The following SLC28A3 variants were observed in gnomAD, a reference collection of about 807,000 sequenced individuals.
SLC28A3 encodes the protein solute carrier family 28 member 3, also known as concentrative Na(+)-nucleoside cotransporter 3.
SLC28A3 carries 68 observed loss-of-function variants against 84.2 expected under a neutral mutation model. The observed-to-expected ratio is 0.81, with a 90% CI of 0.66 to 0.99. SLC28A3 has a LOEUF of 0.99. Ranked by LOEUF, SLC28A3 falls within the 50% of genes least tolerant of loss-of-function variation. The pLI, the probability that SLC28A3 is intolerant of heterozygous loss-of-function variation, is 0.00. For synonymous variants in SLC28A3, 267 were observed against 303.6 expected (o/e 0.88, Z 1.25); for missense variants, 712 against 841.5 (o/e 0.85, Z 1.90).
rs11568416 is a variant in SLC28A3 at position 84,292,667 on chromosome 9, C to T, written c.1023+1G>A. 1.0e-4 allele frequency: 166 copies of T among 1,608,004 alleles called. No individual in the cohort carries two copies. In the East Asian group the frequency reaches 2.7e-3, roughly 26 times the overall value. ...TTTGTTCTGTTGATATTACAACTTA[C>T]TTGTCCAACAAATATATTGCCAGAA... On this transcript the variant is annotated splice_donor_variant, in intron 10 of 17. Coordinates refer to ENST00000376238, the MANE Select transcript of SLC28A3 (RefSeq NM_001199633.2). LOFTEE classifies it high-confidence loss of function.
chr9:84,338,794 C>A lies in SLC28A3; in HGVS notation c.60+1780G>T, dbSNP rs1326882815. ...CTTTATGCTTTTCCCCCTCACTTAG[C>A]CCTTAGAGAAGAGATCAGGATGTGC... On this transcript the variant is annotated intron_variant, in intron 1 of 17. Transcript: ENST00000376238. Among the ~76,000 whole-genome samples the A allele has an allele frequency of 2.6e-5, 4 of 152,176 alleles. No individual in the cohort carries two copies. In the East Asian group the frequency reaches 7.7e-4, roughly 29 times the overall value.
chr9:84,340,682 G>T lies in SLC28A3; in HGVS notation c.-49C>A. ...CTGGTCTGGAGGTCCTTTGTACCTG[G>T]GAAAAAGCACCAGTCTCTGCTGATG... On this transcript the variant is annotated 5_prime_UTR_variant, in exon 1 of 18. Coordinates refer to ENST00000376238, the MANE Select transcript of SLC28A3 (RefSeq NM_001199633.2). 1 of 1,608,836 alleles carries T rather than the reference G, an allele frequency of 6.2e-7. No individual in the cohort carries two copies. The highest frequency in any genetic ancestry group is 8.5e-7 in the Non-Finnish European group (1 of 1,176,332).
chr9:84,326,202 T>C (rs1826542260), intron 1 of SLC28A3, among the ~76,000 whole-genome samples: 1 of 152,080 alleles, frequency 6.6e-6, no homozygotes, highest in African/African-American at 2.4e-5. Context: ...TTAATCTGAC[T>C]AATAAGAGCT....
chr9:84,309,449 G>T (rs1221415681), intron 3 of SLC28A3, among the ~76,000 whole-genome samples, 180 bp downstream of exon 3: 1 of 148,606 alleles, frequency 6.7e-6, no homozygotes, highest in Non-Finnish European at 1.5e-5. Context: ...CTTGAACTTG[G>T]GAGGCGGAGG....
intron 1 of SLC28A3, among the ~76,000 whole-genome samples, chr9:84,316,147 A>G (rs10780663): frequency 0.35 from 53,483 of 152,060 alleles, 13,250 homozygotes; most frequent in African/African-American, 0.69. Context: ...TGCACTTTCT[A>G]TGTGGCTATT....
chr9:84,367,564 C>T, the SLC28A3 span, among the ~76,000 whole-genome samples: 5 of 152,228 alleles, frequency 3.3e-5, no homozygotes, highest in South Asian at 2.1e-4. Flanking sequence ...CCAGGGGACC[C>T]GCACACTCAG....
intron 17 of SLC28A3, chr9:84,278,546 T>G: frequency 1.7e-6 from 1 of 594,544 alleles, no homozygotes. Context: ...CTTTCCCTAT[T>G]TCCTCCATAA....
intron 1 of SLC28A3, among the ~76,000 whole-genome samples, chr9:84,316,273 G>C (rs1049548325): frequency 1.3e-5 from 2 of 152,136 alleles, no homozygotes; most frequent in African/African-American, 4.8e-5. Context: ...CCTATTTGTG[G>C]TATCCCTTTT....
the SLC28A3 span, among the ~76,000 whole-genome samples, chr9:84,362,458 C>A: frequency 6.6e-6 from 1 of 151,910 alleles, no homozygotes; most frequent in Non-Finnish European, 1.5e-5. Context: ...ATGGTGAAAC[C>A]CTGTCTCTAC....
chr9:84,306,901 T>C, intron 3 of SLC28A3, among the ~76,000 whole-genome samples: 1 of 145,328 alleles, frequency 6.9e-6, no homozygotes, highest in African/African-American at 2.6e-5. Context: ...CTCATGCCTG[T>C]AATCCTAGCA....
At position 84,285,542 on chromosome 9, in the gene SLC28A3, G is replaced by C. The variant is rs1184360725; in HGVS notation, c.1450C>G (p.Leu484Val). 6.2e-7 allele frequency: 1 copy of C among 1,614,000 alleles called. No homozygotes were observed. The highest frequency in any genetic ancestry group is 8.5e-7 in the Non-Finnish European group (1 of 1,180,008). Reference sequence around the variant, plus strand: ...GGCATGAAGATGTAGGAGCAGATTAGCTACAGAAACCAAAAGTAGACACTT... The same window carrying C: ...GGCATGAAGATGTAGGAGCAGATTACCTACAGAAACCAAAAGTAGACACTT... ...MFDYPQLSFE[L>V]ICSYIFMPFS... Residue 484 changes from leucine to valine, a missense_variant and splice_region_variant, in exon 14 of 18, where the codon CTA becomes GTA. Coordinates refer to ENST00000376238, the MANE Select transcript of SLC28A3 (RefSeq NM_001199633.2).
intron 1 of SLC28A3, among the ~76,000 whole-genome samples, chr9:84,339,427 T>A (rs1827085651): frequency 6.6e-6 from 1 of 152,036 alleles, no homozygotes; most frequent in Non-Finnish European, 1.5e-5. Context: ...TTTTTGTATT[T>A]TTAGTAGAGA....
intron 1 of SLC28A3, among the ~76,000 whole-genome samples, chr9:84,317,276 TAGAA>T (rs1440919028): frequency 6.6e-6 from 1 of 152,128 alleles, no homozygotes; most frequent in Non-Finnish European, 1.5e-5. Flanking sequence ...AATTAGAACT[TAGAA>T]AGCCTGATTT....
intron 5 of SLC28A3, among the ~76,000 whole-genome samples, chr9:84,301,334 AGC>A (rs1825624354): frequency 7.5e-6 from 1 of 133,480 alleles, no homozygotes; most frequent in Non-Finnish European, 1.6e-5. Context: ...TGGGTGACAG[AGC>A]AAGACTCTGT....
intron 2 of SLC28A3, among the ~76,000 whole-genome samples, chr9:84,312,542 C>CTTT (rs35691184): frequency 0.024 from 3,275 of 134,328 alleles, 143 homozygotes; most frequent in African/African-American, 0.08. Context: ...CCCCAAATTC[C>CTTT]TTTTTTTTTT....
At chr9:84,341,542 T>C (rs1447065040), upstream of SLC28A3, among the ~76,000 whole-genome samples, 1 of 152,200 alleles carries the variant, frequency 6.6e-6, no homozygotes, top group African/African-American at 2.4e-5. Context: ...TTTAGTGTCA[T>C]TTAGCTAATA....
intron 1 of SLC28A3, among the ~76,000 whole-genome samples, chr9:84,321,151 A>G (rs1273670422): frequency 1.3e-5 from 2 of 152,100 alleles, no homozygotes; most frequent in Non-Finnish European, 2.9e-5. Flanking sequence ...TGAACTGGAA[A>G]TCCTCTCACC....
intron 1 of SLC28A3, among the ~76,000 whole-genome samples, chr9:84,314,020 G>A (rs189567790): frequency 1.1e-4 from 16 of 152,172 alleles, no homozygotes; most frequent in African/African-American, 3.6e-4. Flanking sequence ...AGGCAGAGCT[G>A]GGACCAGGGG....
At chr9:84,346,375 T>C in the SLC28A3 span, among the ~76,000 whole-genome samples, 3 of 152,362 alleles carry the variant, frequency 2.0e-5, no homozygotes, top group South Asian at 6.2e-4. Flanking sequence ...GAAGTCACTC[T>C]TGGTGACGGT....
Sources: allele counts gnomAD v4.1 joint callset (sites outside exome capture counted in the v4.1 genomes callset), GRCh38; gene constraint gnomAD v4.1.1; transcripts MANE v1.5; gene names NCBI Gene and HGNC (gene_info 2026-07-23, HGNC 2026-07-21).